The following KITLG variants were observed in gnomAD, a reference collection of about 807,000 sequenced individuals.
KITLG encodes KIT ligand.
KITLG carries 13 observed loss-of-function variants against 34.1 expected under a neutral mutation model. The ratio of observed to expected loss-of-function variants is 0.38; its 90% CI spans 0.25 to 0.61. The LOEUF (loss-of-function observed/expected upper bound fraction) is 0.61. Ranked by LOEUF, KITLG falls within the 20% of genes least tolerant of loss-of-function variation. The pLI is 0.60. For synonymous variants in KITLG, 110 were observed against 104.0 expected, an observed-to-expected ratio of 1.06 and a Z score of -0.35; for missense variants, 292 against 318.9, an observed-to-expected ratio of 0.92 and a Z score of 0.64.
intron 9 of KITLG, among the ~76,000 whole-genome samples, chr12:88,500,923 G>A (rs1868828914): frequency 6.6e-6 from 1 of 152,056 alleles, no homozygotes; most frequent in Non-Finnish European, 1.5e-5. Context: ...GAGACCATAG[G>A]TGCATACCAC....
intron 1 of KITLG, among the ~76,000 whole-genome samples, chr12:88,576,433 G>A (rs1871825280): frequency 6.6e-6 from 1 of 152,098 alleles, no homozygotes; most frequent in Admixed American, 6.5e-5. Context: ...GTAAAAGTAG[G>A]CCAGCAGGCA....
chr12:88,511,820 C>T (rs1265613545), intron 6 of KITLG, among the ~76,000 whole-genome samples: 1 of 152,076 alleles, frequency 6.6e-6, no homozygotes, highest in African/African-American at 2.4e-5. Flanking sequence ...ATATTCCATG[C>T]CTTAGGAATA....
At position 88,537,294 on chromosome 12, in the gene KITLG, C is replaced by CA. The variant is rs759211989; in HGVS notation, c.130-4792dup. Among the ~76,000 whole-genome samples, 951 of 149,598 alleles carry CA rather than the reference C, an allele frequency of 6.4e-3. 4 individuals are homozygous for CA. The highest frequency in any genetic ancestry group is 0.018 in the South Asian group (86 of 4,690). On this transcript the variant is annotated intron_variant, in intron 2 of 9. Coordinates refer to ENST00000644744, the MANE Select transcript of KITLG (RefSeq NM_000899.5). ...TACACCATGGAATACTATGCAGCCA[C>CA]AAAAAAAAACAATAAAATCATGTCT...
At chr12:88,565,442 T>C (rs1471573732) in intron 1 of KITLG, among the ~76,000 whole-genome samples, 1 of 152,094 alleles carries the variant, frequency 6.6e-6, no homozygotes, top group African/African-American at 2.4e-5. Context: ...CTGGCCAACA[T>C]GGTGAAACCA....
Position 88,494,018 on chromosome 12 carries a change from G to C in KITLG, c.*3201C>G, listed in dbSNP as rs1433381329. On this transcript the variant is annotated 3_prime_UTR_variant, in exon 10 of 10. Coordinates refer to ENST00000644744, the MANE Select transcript of KITLG (RefSeq NM_000899.5). Reference sequence around the variant, plus strand: ...AGAGTTGGATATTTTGTATGGGTTAGTTTCAATGCTATTTTGTCTTCTTTG... The same window carrying C: ...AGAGTTGGATATTTTGTATGGGTTACTTTCAATGCTATTTTGTCTTCTTTG... 1 of 151,840 alleles carries C rather than the reference G, an allele frequency of 6.6e-6. No individual in the cohort carries two copies. The allele number at this position is 151,840 out of a possible 1,614,324, so 9.4% of individuals were successfully genotyped here.
At position 88,524,628 on chromosome 12, in the gene KITLG, A is replaced by T. The variant is rs1018951465; in HGVS notation, c.193-5761T>A. The stretch of plus-strand genomic sequence containing the variant: ...TTAGTGTTGCTACCAGACAATTAAG[A>T]TTATGAACGTGGCTTCCATTGTATT... On this transcript the variant is annotated intron_variant, in intron 3 of 9. Coordinates refer to ENST00000644744, the MANE Select transcript of KITLG (RefSeq NM_000899.5). Among the ~76,000 whole-genome samples, 4 of 152,158 alleles carry T rather than the reference A, an allele frequency of 2.6e-5. No homozygotes were observed. In the South Asian group the frequency reaches 8.3e-4, roughly 32 times the overall value.
At chr12:88,575,875 A>C (rs1351884822) in intron 1 of KITLG, among the ~76,000 whole-genome samples, 1 of 152,188 alleles carries the variant, frequency 6.6e-6, no homozygotes, top group African/African-American at 2.4e-5. Context: ...GAACATTAAG[A>C]TAATCCAGAA....
intron 1 of KITLG, among the ~76,000 whole-genome samples, chr12:88,551,790 A>G (rs1158756625): frequency 6.6e-6 from 1 of 152,180 alleles, no homozygotes; most frequent in Admixed American, 6.5e-5. Context: ...GAACTTGTGA[A>G]TACATCACCA....
At chr12:88,540,316 G>T (rs1457119459) in intron 2 of KITLG, among the ~76,000 whole-genome samples, 1 of 152,026 alleles carries the variant, frequency 6.6e-6, no homozygotes, top group Non-Finnish European at 1.5e-5. Flanking sequence ...GGTAGTTAAG[G>T]GGTCAAACCT....
intron 6 of KITLG, among the ~76,000 whole-genome samples, chr12:88,508,750 A>T (rs971545638): frequency 6.6e-6 from 1 of 152,170 alleles, no homozygotes; most frequent in Non-Finnish European, 1.5e-5. Flanking sequence ...ATGTTTTACC[A>T]TCTCAAGTTG....
intron 1 of KITLG, among the ~76,000 whole-genome samples, chr12:88,568,686 T>G (rs971002740): frequency 6.6e-6 from 1 of 152,182 alleles, no homozygotes; most frequent in Non-Finnish European, 1.5e-5. Flanking sequence ...ATAATTTACT[T>G]CTTAAAATTA....
chr12:88,530,688 C>T (rs1592848863), intron 3 of KITLG, among the ~76,000 whole-genome samples: 1 of 152,120 alleles, frequency 6.6e-6, no homozygotes, highest in Admixed American at 6.6e-5. Context: ...TTTCTATTTC[C>T]AGAGAACTCC....
At chr12:88,557,864 A>G (rs1471616237) in intron 1 of KITLG, among the ~76,000 whole-genome samples, 1 of 152,152 alleles carries the variant, frequency 6.6e-6, no homozygotes, top group Non-Finnish European at 1.5e-5. Flanking sequence ...CCTGATGTAC[A>G]AGAATCTGAG....
chr12:88,505,770 G>A (rs369732906), intron 8 of KITLG, among the ~76,000 whole-genome samples: 3 of 152,264 alleles, frequency 2.0e-5, no homozygotes, highest in South Asian at 2.1e-4. Flanking sequence ...ATCACTGAAC[G>A]TATTTTGAAT....
intron 1 of KITLG, among the ~76,000 whole-genome samples, chr12:88,573,711 T>C (rs1871733371): frequency 6.6e-6 from 1 of 152,226 alleles, no homozygotes; most frequent in African/African-American, 2.4e-5. Flanking sequence ...CTCCAACCTG[T>C]GCTCTTTCTT....
chr12:88,578,150 A>T (rs958633905), intron 1 of KITLG, among the ~76,000 whole-genome samples: 2 of 152,182 alleles, frequency 1.3e-5, no homozygotes, highest in South Asian at 4.1e-4. Context: ...AAATTTAACA[A>T]TATGAAAGAT....
rs556956772 is a variant in KITLG, at chr12:88,548,899, A to G, written c.16-3034T>C. Among the ~76,000 whole-genome samples, 25 of 152,330 alleles carry G rather than the reference A, an allele frequency of 1.6e-4. 1 individual carries two copies. The East Asian group carries it at 3.9e-3, about 24-fold the overall frequency. ...CTCTGAGTCTCGAGAAGAGCCATAG[A>G]ACTAACTGTACTCTTTTCTTTCCAG... is the stretch of plus-strand genomic sequence containing the variant. On this transcript the variant is annotated intron_variant, in intron 1 of 9. Coordinates refer to ENST00000644744, the MANE Select transcript of KITLG (RefSeq NM_000899.5).
At chr12:88,549,647 A>C (rs1366474001) in intron 1 of KITLG, among the ~76,000 whole-genome samples, 2 of 152,212 alleles carry the variant, frequency 1.3e-5, no homozygotes, top group Non-Finnish European at 2.9e-5. Flanking sequence ...TGTTAAGTTT[A>C]AGATGTCTTT....
At chr12:88,515,434 CAAT>C in intron 6 of KITLG, 97 bp downstream of exon 6, 2 of 742,958 alleles carry the variant, frequency 2.7e-6, no homozygotes, top group Non-Finnish European at 4.8e-6. Flanking sequence ...AGAACAGTAT[CAAT>C]AATAATAAAT....
Sources: allele counts gnomAD v4.1 joint callset (sites outside exome capture counted in the v4.1 genomes callset), GRCh38; gene constraint gnomAD v4.1.1; transcripts MANE v1.5; gene names NCBI Gene and HGNC (gene_info 2026-07-23, HGNC 2026-07-21).